The following USP37 variants were observed in gnomAD, a reference collection of about 807,000 sequenced individuals.
USP37 encodes the protein ubiquitin carboxyl-terminal hydrolase 37.
In USP37, 27 loss-of-function variants were observed where a neutral mutation model predicts 124.0. That is an observed-to-expected ratio of 0.22 (90% CI 0.16 to 0.30). USP37 has a LOEUF of 0.30. Ranked by LOEUF, USP37 falls within the 10% of genes least tolerant of loss-of-function variation. USP37 has a pLI of 1.00. For synonymous variants in USP37, 365 were observed against 388.0 expected (o/e 0.94, Z 0.70); for missense variants, 889 against 1,140.4 (o/e 0.78, Z 3.17).
intron 5 of USP37, among the ~76,000 whole-genome samples, 158 bp from the exon 6 acceptor site, chr2:218,550,067 C>T (rs1692579352): frequency 6.6e-6 from 1 of 151,932 alleles, no homozygotes; most frequent in South Asian, 2.1e-4. Flanking sequence ...TTCTTTCTGA[C>T]AGAATATACA....
chr2:218,496,177 C>A (rs547114490), intron 13 of USP37, among the ~76,000 whole-genome samples: 4 of 152,062 alleles, frequency 2.6e-5, no homozygotes, highest in Admixed American at 1.3e-4. Context: ...CCTGTAATCC[C>A]AGCTACTTGG....
chr2:218,542,223 A>G (rs1037588769), intron 8 of USP37, among the ~76,000 whole-genome samples: 2 of 152,164 alleles, frequency 1.3e-5, no homozygotes, highest in South Asian at 2.1e-4. Flanking sequence ...CATTTGCACA[A>G]GTATATTCAT....
intron 11 of USP37, among the ~76,000 whole-genome samples, chr2:218,503,881 T>C (rs894442710): frequency 6.6e-6 from 1 of 152,150 alleles, no homozygotes; most frequent in African/African-American, 2.4e-5. Flanking sequence ...AGCAAGATGG[T>C]AGACTTAAAC....
intron 4 of USP37, 28 bp downstream of exon 4, chr2:218,558,470 G>A: frequency 6.3e-7 from 1 of 1,598,184 alleles, no homozygotes; most frequent in African/African-American, 1.3e-5. Flanking sequence ...TGCTTCAAGA[G>A]CTATTCCAAA....
At chr2:218,460,862 A>C (rs960883878) in intron 22 of USP37, among the ~76,000 whole-genome samples, 2 of 151,770 alleles carry the variant, frequency 1.3e-5, no homozygotes, top group African/African-American at 2.4e-5. Flanking sequence ...AATCACTTGA[A>C]CCCGGGAGGC....
intron 23 of USP37, among the ~76,000 whole-genome samples, chr2:218,458,518 T>G (rs1479183173): frequency 1.4e-5 from 2 of 144,278 alleles, no homozygotes; most frequent in Non-Finnish European, 3.0e-5. Context: ...GAAGTTGCAG[T>G]GAGCTGAGAT....
intron 8 of USP37, among the ~76,000 whole-genome samples, chr2:218,536,496 T>C (rs1003830210): frequency 5.9e-5 from 9 of 152,222 alleles, no homozygotes; most frequent in Non-Finnish European, 8.8e-5. Flanking sequence ...GGCGCTACAG[T>C]AGAGAAGCCC....
At chr2:218,501,191 C>CA (rs1689365484) in intron 11 of USP37, among the ~76,000 whole-genome samples, 1 of 151,954 alleles carries the variant, frequency 6.6e-6, no homozygotes, top group African/African-American at 2.4e-5. Flanking sequence ...AAATGCGCAC[C>CA]ACCATGCCAG....
intron 9 of USP37, among the ~76,000 whole-genome samples, chr2:218,533,862 C>T (rs532810310): frequency 6.6e-6 from 1 of 152,156 alleles, no homozygotes; most frequent in Non-Finnish European, 1.5e-5. Flanking sequence ...CGAACAGATA[C>T]GTTAAGTGTG....
chr2:218,510,120 G>A lies in USP37; in HGVS notation c.884C>T (p.Thr295Ile), dbSNP rs1386100021. 5.6e-6 allele frequency: 9 copies of A among 1,609,962 alleles called. No individual in the cohort carries two copies. The highest frequency in any genetic ancestry group is 6.8e-6 in the Non-Finnish European group (8 of 1,179,240). ...NLDRTNVSSQ[T>I]PSAKRSLGFL... ...TCCCAAACTTCTTTTGGCAGAGGGA[G>A]TCTGGCTTGAAACATTAGTCCTACA... The change falls in exon 11 of 26, where the codon ACT (threonine) becomes ATT (isoleucine). Residue 295 changes from threonine to isoleucine, a missense_variant. Around this residue, in one of 3 missense-constraint regions of USP37, gnomAD observed 374 missense variants for 386.0 expected, o/e 0.97. Coordinates refer to ENST00000258399, the MANE Select transcript of USP37 (RefSeq NM_020935.3).
intron 16 of USP37, among the ~76,000 whole-genome samples, chr2:218,483,221 A>G (rs1691357858): frequency 6.6e-6 from 1 of 152,186 alleles, no homozygotes; most frequent in Admixed American, 6.6e-5. Flanking sequence ...AACCTAACCA[A>G]AATAAAAGGT....
chr2:218,463,829 C>A (rs1481339491), intron 21 of USP37, among the ~76,000 whole-genome samples: 2 of 150,492 alleles, frequency 1.3e-5, no homozygotes, highest in African/African-American at 4.9e-5. Context: ...GCCACTGCGC[C>A]CGGCCCACTC....
chr2:218,545,548 T>C (rs551969315), intron 8 of USP37, among the ~76,000 whole-genome samples: 3 of 152,216 alleles, frequency 2.0e-5, no homozygotes, highest in South Asian at 4.1e-4. Flanking sequence ...TAAAGTTTCT[T>C]TGGCTTTTTC....
At chr2:218,491,436 G>C (rs145016202) in intron 14 of USP37, among the ~76,000 whole-genome samples, 3 of 152,232 alleles carry the variant, frequency 2.0e-5, no homozygotes, top group African/African-American at 4.8e-5. Flanking sequence ...AGAGGAACCT[G>C]GGCTCCAGAT....
intron 10 of USP37, among the ~76,000 whole-genome samples, chr2:218,518,796 T>C (rs984955999): frequency 6.6e-6 from 1 of 151,582 alleles, no homozygotes; most frequent in African/African-American, 2.4e-5. Flanking sequence ...AAGGTGATGT[T>C]GTATTTCTTC....
chr2:218,491,245 T>C (rs1691928251), intron 14 of USP37, among the ~76,000 whole-genome samples: 1 of 152,182 alleles, frequency 6.6e-6, no homozygotes, highest in Non-Finnish European at 1.5e-5. Flanking sequence ...GTATACTTCC[T>C]ACTAGCCTGG....
chr2:218,480,726 C>G (rs565833285), intron 17 of USP37, among the ~76,000 whole-genome samples: 1 of 152,294 alleles, frequency 6.6e-6, no homozygotes, highest in East Asian at 1.9e-4. Context: ...TAAAAGCTAT[C>G]AAATTGTACA....
At chr2:218,505,177 G>T (rs192524941) in intron 11 of USP37, among the ~76,000 whole-genome samples, 65 of 152,128 alleles carry the variant, frequency 4.3e-4, no homozygotes, top group Middle Eastern at 6.8e-3. Context: ...ACCACACTTA[G>T]CTAAATTTTT....
At chr2:218,462,282 C>T (rs1690055412) in intron 22 of USP37, among the ~76,000 whole-genome samples, 1 of 152,136 alleles carries the variant, frequency 6.6e-6, no homozygotes, top group African/African-American at 2.4e-5. Context: ...TTGCAGTGAG[C>T]AGAGATCACG....
Sources: gnomAD v4.1 joint callset for allele counts (sites outside exome capture counted in the v4.1 genomes callset) on GRCh38, gnomAD v4.1.1 for gene constraint, gnomAD v4.1.1 regional missense constraint, MANE v1.5 for transcripts, NCBI Gene and HGNC (gene_info 2026-07-23, HGNC 2026-07-21) for gene names.